Variants in KAZN observed in about 807,000 individuals in gnomAD.
The protein encoded by KAZN is kazrin, periplakin interacting protein.
KAZN carries 40 observed loss-of-function variants against 87.4 expected under a neutral mutation model. That is an observed-to-expected ratio of 0.46 (90% CI 0.36 to 0.60). The LOEUF is 0.60. Among genes scored for constraint, KAZN ranks in the 20% least tolerant of loss-of-function variants. KAZN has a pLI of 0.00. For missense variants in KAZN, 898 were observed against 1,073.9 expected, an observed-to-expected ratio of 0.84 and a Z score of 2.29; for synonymous variants, 466 against 458.3, an observed-to-expected ratio of 1.02 and a Z score of -0.22.
At chr1:14,233,470 T>G (rs1228556195) in intron 2 of KAZN, among the ~76,000 whole-genome samples, 1 of 152,148 alleles carries the variant, frequency 6.6e-6, no homozygotes, top group Non-Finnish European at 1.5e-5. Flanking sequence ...CTTGGAAGAT[T>G]GAATAAGGTA....
intron 1 of KAZN, among the ~76,000 whole-genome samples, chr1:13,987,024 A>G (rs1245610847): frequency 6.6e-6 from 1 of 150,466 alleles, no homozygotes; most frequent in Non-Finnish European, 1.5e-5. Context: ...TGTGGAAGAA[A>G]GAAAGTGTCT....
intron 1 of KAZN, among the ~76,000 whole-genome samples, chr1:14,140,693 C>T (rs1416202071): frequency 1.3e-5 from 2 of 152,052 alleles, no homozygotes. Flanking sequence ...TAAGCTGCTC[C>T]ACCACCCCCG....
chr1:13,926,692 A>G (rs1570299339), intron 1 of KAZN, among the ~76,000 whole-genome samples: 1 of 152,044 alleles, frequency 6.6e-6, no homozygotes, highest in Admixed American at 6.5e-5. Context: ...TCAGTGCATG[A>G]CAGCCATAAA....
At chr1:14,509,471 T>C (rs1195890724) in intron 2 of KAZN, among the ~76,000 whole-genome samples, 1 of 152,246 alleles carries the variant, frequency 6.6e-6, no homozygotes, top group African/African-American at 2.4e-5. Context: ...GAAACTGCCA[T>C]GGCCTTTACG....
At chr1:14,828,597 C>T (rs1040054527) in intron 1 of KAZN, among the ~76,000 whole-genome samples, 1 of 152,166 alleles carries the variant, frequency 6.6e-6, no homozygotes, top group Admixed American at 6.5e-5. Flanking sequence ...CGGTAGCAGT[C>T]CATAGTCCCC....
chr1:14,041,098 T>C (rs138988958), intron 1 of KAZN, among the ~76,000 whole-genome samples: 2 of 152,346 alleles, frequency 1.3e-5, no homozygotes, highest in East Asian at 1.9e-4. Flanking sequence ...TGAATTCTTT[T>C]AGCTGTTTCT....
chr1:14,294,107 C>T (rs1012373973), intron 2 of KAZN, among the ~76,000 whole-genome samples: 3 of 152,264 alleles, frequency 2.0e-5, no homozygotes, highest in South Asian at 4.1e-4. Flanking sequence ...GAGAGATGAG[C>T]GAACTTGGCC....
At chr1:14,060,088 G>C (rs78210457) in intron 1 of KAZN, among the ~76,000 whole-genome samples, 8,040 of 152,022 alleles carry the variant, frequency 0.053, 584 homozygotes, top group African/African-American at 0.16. Context: ...AATGAGCCTG[G>C]GGGCAGTGGT....
At chr1:14,707,871 A>G (rs1322966249) in intron 1 of KAZN, among the ~76,000 whole-genome samples, 1 of 152,210 alleles carries the variant, frequency 6.6e-6, no homozygotes, top group Non-Finnish European at 1.5e-5. Flanking sequence ...GCGTTTACCA[A>G]TGCTACATGC....
chr1:14,646,249 A>G (rs976488619), intron 1 of KAZN, among the ~76,000 whole-genome samples: 27 of 152,130 alleles, frequency 1.8e-4, no homozygotes, highest in Admixed American at 1.8e-3. Context: ...TTTACCATAA[A>G]AAGCTCTGTT....
chr1:14,700,088 G>A (rs1031923814), intron 1 of KAZN, among the ~76,000 whole-genome samples: 2 of 152,172 alleles, frequency 1.3e-5, no homozygotes, highest in African/African-American at 4.8e-5. Flanking sequence ...CTGAAAGAAG[G>A]CCAGATCACA....
intron 1 of KAZN, among the ~76,000 whole-genome samples, chr1:14,816,259 A>G (rs1198315190): frequency 6.6e-6 from 1 of 152,116 alleles, no homozygotes; most frequent in African/African-American, 2.4e-5. Flanking sequence ...TTCTCAGTTT[A>G]GGTCCAGGAG....
At position 14,127,399 on chromosome 1, in the gene KAZN, G is replaced by GT. The variant is rs574276908; in HGVS notation, c.92-53021dup. 6.5e-3 allele frequency among the ~76,000 whole-genome samples: 311 copies of GT among 47,672 alleles called. 2 individuals are homozygous for GT. Among genetic ancestry groups the GT allele is most frequent in the African/African-American group, 0.017 (140 of 8,198 alleles). 31.3% of individuals were successfully genotyped at this position (47,672 alleles called of 152,430 possible). A position where few individuals can be genotyped will look rare whatever the true frequency, so the allele number is the denominator to read the frequency against. ...AGAAAAAGCATACCCCTTTACTGTTGTTTTTTTTTTTTTTTGGTCTGAGTG... is the reference window on the plus strand; with the variant it reads ...AGAAAAAGCATACCCCTTTACTGTTGTTTTTTTTTTTTTTTTGGTCTGAGTG... On this transcript the variant is annotated intron_variant, in intron 1 of 16. Coordinates refer to the KAZN transcript ENST00000636203.
At chr1:14,922,511 T>A (rs1212663921) in intron 1 of KAZN, among the ~76,000 whole-genome samples, 1 of 152,146 alleles carries the variant, frequency 6.6e-6, no homozygotes, top group Non-Finnish European at 1.5e-5. Flanking sequence ...GCACTTCCCA[T>A]GCCACTCTGC....
At position 14,820,197 on chromosome 1, in the gene KAZN, G is replaced by A. The variant is rs370455003; in HGVS notation, c.227-140487G>A. 8.5e-5 allele frequency among the ~76,000 whole-genome samples: 13 copies of A among 152,294 alleles called. No homozygotes were observed. The South Asian group carries it at 1.7e-3, about 19-fold the overall frequency. ...GGCCCATGAACTCACATTCTGTGAC[G>A]TTCACACAGAGGGGCTGGTGCTGCT... is the stretch of plus-strand genomic sequence containing the variant. On this transcript the variant is annotated intron_variant, in intron 1 of 14. Transcript: ENST00000376030. The surrounding 1 kb of genome is among the most constrained non-coding windows in gnomAD (Gnocchi z 4.1).
intron 2 of KAZN, among the ~76,000 whole-genome samples, chr1:14,435,556 C>A (rs1666333135): frequency 6.6e-6 from 1 of 152,200 alleles, no homozygotes; most frequent in African/African-American, 2.4e-5. Flanking sequence ...GGGCTGCCTC[C>A]CATTCCTTTG....
At chr1:15,063,501 C>A in intron 6 of KAZN, 71 bp from the exon 7 acceptor site, 1 of 1,347,876 alleles carries the variant, frequency 7.4e-7, no homozygotes, top group Non-Finnish European at 1.1e-6. Flanking sequence ...CCCCACACCG[C>A]ACGGGCCGCC....
At chr1:13,956,952 A>C (rs190641607) in intron 1 of KAZN, among the ~76,000 whole-genome samples, 6 of 152,230 alleles carry the variant, frequency 3.9e-5, no homozygotes, top group Admixed American at 1.3e-4. Flanking sequence ...GAATTGTATT[A>C]ATTTTGTCTG....
At chr1:14,029,862 G>C (rs1164307253) in intron 1 of KAZN, among the ~76,000 whole-genome samples, 1 of 152,158 alleles carries the variant, frequency 6.6e-6, no homozygotes, top group East Asian at 1.9e-4. Context: ...GTACCATGCT[G>C]TTTCGGTTAC....
Sources: allele counts gnomAD v4.1 joint callset (sites outside exome capture counted in the v4.1 genomes callset), GRCh38; gene constraint gnomAD v4.1.1; non-coding constraint Gnocchi (gnomAD v3.1); transcripts MANE v1.5; gene names NCBI Gene and HGNC (gene_info 2026-07-23, HGNC 2026-07-21).